Variants in PKHD1L1 observed in about 807,000 individuals in gnomAD.
The protein encoded by PKHD1L1 is fibrocystin-L.
Under a neutral mutation model 462.9 loss-of-function variants are expected in PKHD1L1, and 434 were observed. The observed-to-expected ratio is 0.94, with a 90% CI of 0.87 to 1.02. The LOEUF (loss-of-function observed/expected upper bound fraction) is 1.02, where lower values mean the gene tolerates loss of function less well. PKHD1L1 is among the 50% of genes least tolerant of loss of function. The pLI is 0.00. For synonymous variants in PKHD1L1, 1,781 were observed against 1,750.0 expected (o/e 1.02, Z -0.44); for missense variants, 5,202 against 5,096.1 (o/e 1.02, Z -0.63).
At chr8:109,498,928 T>G in intron 67 of PKHD1L1, 157 bp downstream of exon 67, 1 of 671,826 alleles carries the variant, frequency 1.5e-6, no homozygotes, top group East Asian at 2.7e-5. Context: ...AGAGTCAATT[T>G]TGAGAATGGT....
At chr8:109,380,900 C>A (rs931808867) in intron 2 of PKHD1L1, among the ~76,000 whole-genome samples, 4 of 152,126 alleles carry the variant, frequency 2.6e-5, no homozygotes, top group Middle Eastern at 3.2e-3. Flanking sequence ...GTCCTCTTAG[C>A]CTACCTTTTT....
At chr8:109,364,399 CA>C in intron 1 of PKHD1L1, 147 bp from the exon 2 acceptor site, 2 of 663,172 alleles carry the variant, frequency 3.0e-6, no homozygotes, top group South Asian at 1.9e-5. Context: ...TTGGCAGAGC[CA>C]AAAATAAAAC....
At chr8:109,442,562 G>A (rs1815857763) in intron 35 of PKHD1L1, among the ~76,000 whole-genome samples, 1 of 152,158 alleles carries the variant, frequency 6.6e-6, no homozygotes, top group Admixed American at 6.5e-5. Context: ...GTTTCCTACA[G>A]GACAGCTCAG....
rs201139459 is a variant in PKHD1L1 at position 109,452,824 on chromosome 8, C to G, written c.6614C>G (p.Thr2205Ser). The stretch of plus-strand genomic sequence containing the variant: ...CTTGTTGTTATTACAAAAGGACAGA[C>G]CATTCTGCTGGATCAAAGCACCCCT... ...GSLVVITKGQ[T>S]ILLDQSTPIL... Residue 2205 changes from threonine to serine, a missense_variant, in exon 43 of 78, where the codon ACC becomes AGC. By Grantham distance (58) the Thr-to-Ser change is moderately conservative. Coordinates refer to ENST00000378402, the MANE Select transcript of PKHD1L1 (RefSeq NM_177531.6). 10 of 1,534,066 alleles carry G rather than the reference C, an allele frequency of 6.5e-6. No individual in the cohort carries two copies. In the Admixed American group the frequency reaches 2.2e-4, roughly 34 times the overall value.
Position 109,456,386 on chromosome 8 carries a change from A to T in PKHD1L1, c.6999A>T (p.Gly2333=). The change falls in exon 46 of 78, where the codon GGA becomes GGT. Residue 2333 remains glycine (G), a synonymous_variant. Transcript: ENST00000378402. ...ATAACATTGTAATTGCAAGCACAGG[A>T]CACAGGTATGATATCTTCTGGGCTT... ...PGDNIVIAST[G]HRHSQGENEK... 4 of 1,604,608 alleles carry T rather than the reference A, an allele frequency of 2.5e-6. No homozygotes were observed. Among genetic ancestry groups the T allele is most frequent in the Non-Finnish European group, 3.4e-6 (4 of 1,174,996 alleles).
chr8:109,534,525 T>A lies in PKHD1L1; in HGVS notation c.*4435T>A, dbSNP rs1306004844. Among the ~76,000 whole-genome samples, 5 of 152,156 alleles carry A rather than the reference T, an allele frequency of 3.3e-5. No individual in the cohort carries two copies. Among genetic ancestry groups the A allele is most frequent in the Non-Finnish European group, 7.4e-5 (5 of 68,012 alleles). ...ATGTGTTGGGTTGGGTTGGGGAACC[T>A]ACCAAAACAGTGGGAGAGTCTTGCC... is the stretch of plus-strand genomic sequence containing the variant. On this transcript the variant is annotated 3_prime_UTR_variant, in exon 78 of 78. Coordinates refer to ENST00000378402, the MANE Select transcript of PKHD1L1 (RefSeq NM_177531.6).
rs1175703462 is a variant in PKHD1L1, at chr8:109,523,247, A to G, written c.12345A>G (p.Ser4115=). The part of the protein sequence containing the change: ...KATDSDGNCV[S]VGITALTLRA... ...TTTTTTTTTAGGGTAACTGTGTATC[A>G]GTTGGAATTACTGCACTAACTTTGA... Residue 4115 remains serine, a synonymous_variant, in exon 76 of 78, where the codon TCA becomes TCG. Coordinates refer to ENST00000378402, the MANE Select transcript of PKHD1L1 (RefSeq NM_177531.6). 1 of 1,604,572 alleles carries G rather than the reference A, an allele frequency of 6.2e-7. No individual in the cohort carries two copies. The highest frequency in any genetic ancestry group is 8.5e-7 in the Non-Finnish European group (1 of 1,174,900).
At chr8:109,401,348 C>T in intron 13 of PKHD1L1, 149 bp from the exon 14 acceptor site, 1 of 573,802 alleles carries the variant, frequency 1.7e-6, no homozygotes, top group Non-Finnish European at 3.0e-6. Flanking sequence ...TAGTAGATAA[C>T]AGATCTTAAA....
At position 109,438,179 on chromosome 8, in the gene PKHD1L1, T is replaced by A. The variant is rs1319625157; in HGVS notation, c.3628-145T>A. 5 of 617,870 alleles carry A rather than the reference T, an allele frequency of 8.1e-6. 1 individual carries two copies. In the Admixed American group the frequency reaches 1.2e-4, roughly 14 times the overall value. 38.3% of individuals were successfully genotyped at this position (617,870 alleles called of 1,614,324 possible). A position where few individuals can be genotyped will look rare whatever the true frequency, so the allele number is the denominator to read the frequency against. On this transcript the variant is annotated intron_variant, in intron 30 of 77. Transcript: ENST00000378402. ...TAACCTATATTTGACACCACAACTT[T>A]CTAAATATATGAAAACTGACTCTGA...
Position 109,461,811 on chromosome 8 carries a change from G to T in PKHD1L1, c.7286G>T (p.Gly2429Val). ...CAGACCTGTCTCCAAGGAAAGTTTGGAGAAGAAATAGGAAGTGACCAATTT... is the reference window on the plus strand; with the variant it reads ...CAGACCTGTCTCCAAGGAAAGTTTGTAGAAGAAATAGGAAGTGACCAATTT... ...ATQTCLQGKF[G>V]EEIGSDQFGG... is the part of the protein sequence containing the mutation. The change falls in exon 48 of 78, where the codon GGA becomes GTA. Residue 2429 changes from glycine to valine, a missense_variant. Gly to Val is a moderately radical substitution (Grantham distance 109). This residue lies in a region of PKHD1L1 where 4,497 missense variants were observed against 4,336.8 expected (regional missense o/e 1.04). Transcript: ENST00000378402. 1 of 1,609,432 alleles carries T rather than the reference G, an allele frequency of 6.2e-7. No homozygotes were observed.
intron 59 of PKHD1L1, among the ~76,000 whole-genome samples, chr8:109,487,326 A>G (rs1022978844): frequency 6.6e-6 from 1 of 151,902 alleles, no homozygotes; most frequent in Admixed American, 6.6e-5. Flanking sequence ...TTAGTATGCA[A>G]CTCTAAGACA....
chr8:109,431,704 A>G (rs1815111802), intron 27 of PKHD1L1, among the ~76,000 whole-genome samples: 1 of 152,188 alleles, frequency 6.6e-6, no homozygotes, highest in Non-Finnish European at 1.5e-5. Flanking sequence ...TGAGTACACC[A>G]ACTTACTAGT....
rs1428712465 is a variant in PKHD1L1, at chr8:109,433,295, T to C, written c.3340+79T>C. 3.0e-5 allele frequency: 35 copies of C among 1,148,648 alleles called. No homozygotes were observed. The South Asian group carries it at 3.6e-4, about 12-fold the overall frequency. 71.2% of individuals were successfully genotyped at this position (1,148,648 alleles called of 1,614,324 possible). A position where few individuals can be genotyped will look rare whatever the true frequency, so the allele number is the denominator to read the frequency against. On this transcript the variant is annotated intron_variant, in intron 28 of 77. Coordinates refer to ENST00000378402, the MANE Select transcript of PKHD1L1 (RefSeq NM_177531.6). Reference sequence around the variant, plus strand: ...GAATCAAAGGGCAGTATTACAATTATCTTGATCGTGTACAATTATCATGAT... The same window carrying C: ...GAATCAAAGGGCAGTATTACAATTACCTTGATCGTGTACAATTATCATGAT...
chr8:109,491,351 C>T (rs1432472417), intron 61 of PKHD1L1, among the ~76,000 whole-genome samples: 1 of 151,710 alleles, frequency 6.6e-6, no homozygotes, highest in Non-Finnish European at 1.5e-5. Flanking sequence ...ACTTAATATA[C>T]ATTTAAATAG....
intron 14 of PKHD1L1, among the ~76,000 whole-genome samples, chr8:109,403,995 A>G (rs1470218177): frequency 6.6e-6 from 1 of 152,138 alleles, no homozygotes; most frequent in Non-Finnish European, 1.5e-5. Flanking sequence ...TTCAAAATAT[A>G]AAGTGAAAAT....
intron 25 of PKHD1L1, among the ~76,000 whole-genome samples, chr8:109,428,792 C>A (rs1814920424): frequency 6.6e-6 from 1 of 152,064 alleles, no homozygotes; most frequent in Non-Finnish European, 1.5e-5. Flanking sequence ...CAGAAGGTTG[C>A]CATATTTGCA....
At chr8:109,506,308 G>A (rs1033220770) in intron 68 of PKHD1L1, among the ~76,000 whole-genome samples, 3 of 152,118 alleles carry the variant, frequency 2.0e-5, no homozygotes, top group Non-Finnish European at 4.4e-5. Context: ...ACTAGCCGTA[G>A]GAGTCCAAAG....
At chr8:109,371,589 T>C (rs1811512714) in intron 2 of PKHD1L1, among the ~76,000 whole-genome samples, 2 of 146,404 alleles carry the variant, frequency 1.4e-5, no homozygotes, top group Admixed American at 7.1e-5. Context: ...CATGCCTATG[T>C]CCTGAATGGT....
At chr8:109,387,496 G>GT (rs1812500411) in intron 6 of PKHD1L1, among the ~76,000 whole-genome samples, 1 of 152,068 alleles carries the variant, frequency 6.6e-6, no homozygotes, top group South Asian at 2.1e-4. Context: ...TTCTGTTTCA[G>GT]TTTTTTCATC....
Sources: allele counts gnomAD v4.1 joint callset (sites outside exome capture counted in the v4.1 genomes callset), GRCh38; gene constraint gnomAD v4.1.1; regional missense constraint gnomAD v4.1.1; transcripts MANE v1.5; gene names NCBI Gene and HGNC (gene_info 2026-07-23, HGNC 2026-07-21).